The following PRDM1 variants were observed in gnomAD, a reference collection of about 807,000 sequenced individuals.
The protein encoded by PRDM1 is PR domain zinc finger protein 1.
Under a neutral mutation model 62.8 loss-of-function variants are expected in PRDM1, and 13 were observed. The observed-to-expected ratio is 0.21, with a 90% CI of 0.13 to 0.33. The LOEUF is 0.33. Ranked by LOEUF, PRDM1 falls within the 10% of genes least tolerant of loss-of-function variation. The pLI is 1.00. For synonymous variants in PRDM1, 396 were observed against 417.6 expected, an observed-to-expected ratio of 0.95 and a Z score of 0.63; for missense variants, 895 against 1,058.8, an observed-to-expected ratio of 0.85 and a Z score of 2.15.
At chr6:106,029,561 G>A (rs1318401205) in intron 1 of PRDM1, among the ~76,000 whole-genome samples, 1 of 152,082 alleles carries the variant, frequency 6.6e-6, no homozygotes, top group Non-Finnish European at 1.5e-5. Flanking sequence ...ATGTTGTTGA[G>A]TAGTCCATTG....
chr6:106,010,858 CT>C (rs1772536500), intron 1 of PRDM1, among the ~76,000 whole-genome samples: 1 of 152,188 alleles, frequency 6.6e-6, no homozygotes, highest in African/African-American at 2.4e-5. Context: ...TGAGCTCAAC[CT>C]GTGGGTACTG....
At chr6:106,078,554 T>G (rs1161164035) in intron 1 of PRDM1, among the ~76,000 whole-genome samples, 4 of 152,218 alleles carry the variant, frequency 2.6e-5, no homozygotes, top group Admixed American at 1.3e-4. Flanking sequence ...TTCATTTATA[T>G]TCATGCAAAG....
intron 1 of PRDM1, among the ~76,000 whole-genome samples, chr6:106,061,144 C>T (rs530730235): frequency 3.9e-5 from 6 of 151,988 alleles, no homozygotes; most frequent in Non-Finnish European, 4.4e-5. Context: ...TCCACTGATC[C>T]GGACTGAGTG....
chr6:106,095,715 A>G lies in PRDM1; in HGVS notation c.392A>G (p.Asn131Ser), dbSNP rs1420322660. 4.3e-6 allele frequency: 7 copies of G among 1,613,952 alleles called. No homozygotes were observed. Among genetic ancestry groups the G allele is most frequent in the Non-Finnish European group, 5.9e-6 (7 of 1,179,996 alleles). ...YTNDTVPKNA[N>S]RKYFWRIYSR... ...AATGACACAGTTCCTAAGAACGCCA[A>G]CAGGAAATATTTTTGGAGGGTAAGT... The change falls in exon 3 of 7, where the codon AAC becomes AGC. Residue 131 changes from asparagine to serine, a missense_variant. Transcript: ENST00000369096.
At position 106,016,626 on chromosome 6, in the gene PRDM1, T is replaced by G. The variant is rs560264739; in HGVS notation, c.-67+22987T>G. Among the ~76,000 whole-genome samples, 227 of 149,954 alleles carry G rather than the reference T, an allele frequency of 1.5e-3. 5 individuals carry two copies. The highest frequency in any genetic ancestry group is 5.4e-3 in the African/African-American group (220 of 40,834). ...GGTTTGAACTTTGAGGGTCCATTTA[T>G]GCACAGATTTTTTCTTTTCTCTCTT... On this transcript the variant is annotated intron_variant, in intron 1 of 6. Transcript: ENST00000652320.
At chr6:106,043,688 C>T (rs1773034660), upstream of PRDM1, among the ~76,000 whole-genome samples, 1 of 152,110 alleles carries the variant, frequency 6.6e-6, no homozygotes, top group South Asian at 2.1e-4. Flanking sequence ...GCATGCACCA[C>T]CACACCCAGC....
At chr6:106,088,048 C>G in intron 1 of PRDM1, 153 bp from the exon 2 acceptor site, 1 of 575,768 alleles carries the variant, frequency 1.7e-6, no homozygotes, top group Non-Finnish European at 2.4e-6. Flanking sequence ...AGGCAGTTTA[C>G]TTTATACGGC....
At chr6:106,094,191 A>G (rs967846081) in intron 2 of PRDM1, among the ~76,000 whole-genome samples, 2 of 152,262 alleles carry the variant, frequency 1.3e-5, no homozygotes, top group Admixed American at 6.5e-5. Context: ...ATGAATGTAC[A>G]GGAGCTACTG....
upstream of PRDM1, chr6:106,045,593 T>C (rs578176130): frequency 2.0e-5 from 3 of 152,222 alleles, no homozygotes; most frequent in Non-Finnish European, 4.4e-5. Flanking sequence ...TGGCTGAAAG[T>C]AGTTAAATAT....
chr6:106,076,690 CACAA>C (rs1250501781), intron 1 of PRDM1, among the ~76,000 whole-genome samples: 2 of 152,316 alleles, frequency 1.3e-5, no homozygotes, highest in East Asian at 3.9e-4. Context: ...GTTTCCTACA[CACAA>C]ACAAATGGAT....
chr6:106,090,496 G>T (rs11965900), intron 2 of PRDM1, among the ~76,000 whole-genome samples: 18 of 152,268 alleles, frequency 1.2e-4, no homozygotes, highest in African/African-American at 4.1e-4. Flanking sequence ...GCTTACTCTG[G>T]AATTTGTACC....
intron 1 of PRDM1, among the ~76,000 whole-genome samples, chr6:106,053,315 G>A (rs1266390275): frequency 2.0e-5 from 3 of 152,154 alleles, no homozygotes; most frequent in Non-Finnish European, 2.9e-5. Context: ...GAATCAGACA[G>A]AAGACCTCTT....
upstream of PRDM1, chr6:106,046,760 C>T (rs1040245015): frequency 1.3e-5 from 2 of 152,278 alleles, no homozygotes; most frequent in African/African-American, 4.8e-5. Flanking sequence ...TCAGAGGTCC[C>T]GAGGAAGTTT....
rs544945626 is a variant in PRDM1 at position 106,006,881 on chromosome 6, C to T, written c.-67+13242C>T. Among the ~76,000 whole-genome samples, 11 of 152,004 alleles carry T rather than the reference C, an allele frequency of 7.2e-5. No individual in the cohort carries two copies. In the East Asian group the frequency reaches 2.1e-3, roughly 29 times the overall value. ...GGTATCACAGTAAGCTTAAAAATGT[C>T]TAAGGTCTCTTCAAACTCTCTGCTC... On this transcript the variant is annotated intron_variant, in intron 1 of 6. Transcript: ENST00000652320.
chr6:106,109,921 G>A lies in PRDM1; in HGVS notation c.*2435G>A. On this transcript the variant is annotated 3_prime_UTR_variant, in exon 7 of 7. Transcript: ENST00000369096. ...GTCAAAATGTAAATTAAATATAAAT[G>A]TTCATGCTTTACCAAAATTTGTCTA... 4.5e-6 allele frequency: 1 copy of A among 224,240 alleles called. No homozygotes were observed. The highest frequency in any genetic ancestry group is 6.5e-5 in the East Asian group (1 of 15,394). 13.9% of individuals were successfully genotyped at this position (224,240 alleles called of 1,614,324 possible).
intron 1 of PRDM1, among the ~76,000 whole-genome samples, chr6:106,020,662 AT>A (rs1353225896): frequency 2.6e-5 from 4 of 151,906 alleles, no homozygotes; most frequent in South Asian, 2.1e-4. Context: ...ACCCCCCACC[AT>A]TTTTTTCCCC....
chr6:106,057,720 C>T (rs1200322369), intron 1 of PRDM1, among the ~76,000 whole-genome samples: 2 of 152,082 alleles, frequency 1.3e-5, no homozygotes, highest in Admixed American at 6.5e-5. Context: ...CTAACAGAAC[C>T]ATAAATCATC....
rs771530930 is a variant in PRDM1 at position 106,092,130 on chromosome 6, G to GAA, written c.292-3469_292-3468dup. Among the ~76,000 whole-genome samples, 514 of 61,326 alleles carry GAA rather than the reference G, an allele frequency of 8.4e-3. 5 individuals carry two copies. Among genetic ancestry groups the GAA allele is most frequent in the African/African-American group, 0.026 (442 of 17,080 alleles). The allele number at this position is 61,326 out of a possible 152,430, so 40.2% of individuals were successfully genotyped here. On this transcript the variant is annotated intron_variant, in intron 2 of 6. Transcript: ENST00000369096. ...TGCATACTCTCTAAAGAAGGAATTT[G>GAA]AAAAAAAAAAAAAAAAACAAACCTA...
At chr6:106,011,019 C>T (rs915142961) in intron 1 of PRDM1, among the ~76,000 whole-genome samples, 2 of 152,146 alleles carry the variant, frequency 1.3e-5, no homozygotes, top group African/African-American at 2.4e-5. Flanking sequence ...TGCAGAGTCC[C>T]ATTTGAAAGC....
Sources: gnomAD v4.1 joint callset for allele counts (sites outside exome capture counted in the v4.1 genomes callset) on GRCh38, gnomAD v4.1.1 for gene constraint, MANE v1.5 for transcripts, NCBI Gene and HGNC (gene_info 2026-07-23, HGNC 2026-07-21) for gene names.